Variants in ELAVL2 observed in about 807,000 individuals in gnomAD.
ELAVL2 encodes ELAV-like protein 2.
In ELAVL2, 4 loss-of-function variants were observed where a neutral mutation model predicts 34.6. That is an observed-to-expected ratio of 0.12 (90% CI 0.06 to 0.26). ELAVL2 has a LOEUF of 0.26. ELAVL2 is among the 10% of genes least tolerant of loss of function. The pLI, the probability that ELAVL2 is intolerant of heterozygous loss-of-function variation, is 1.00. For synonymous variants in ELAVL2, 193 were observed against 154.8 expected, an observed-to-expected ratio of 1.25 and a Z score of -1.83; for missense variants, 432 against 442.8, an observed-to-expected ratio of 0.98 and a Z score of 0.22.
At chr9:23,809,335 T>C (rs572578619) in intron 1 of ELAVL2, among the ~76,000 whole-genome samples, 4 of 152,288 alleles carry the variant, frequency 2.6e-5, no homozygotes, top group Non-Finnish European at 4.4e-5. Flanking sequence ...GAGAACATGT[T>C]GGCATGAAGC....
At chr9:23,708,248 AC>A (rs2039950582) in intron 3 of ELAVL2, among the ~76,000 whole-genome samples, 1 of 152,222 alleles carries the variant, frequency 6.6e-6, no homozygotes, top group South Asian at 2.1e-4. Flanking sequence ...TTAATGTTAA[AC>A]TTACATTTAG....
intron 1 of ELAVL2, among the ~76,000 whole-genome samples, chr9:23,793,636 C>T (rs535761825): frequency 6.6e-6 from 1 of 152,278 alleles, no homozygotes; most frequent in South Asian, 2.1e-4. Flanking sequence ...TTTATGAGAG[C>T]CTGAGCTTCG....
intron 2 of ELAVL2, among the ~76,000 whole-genome samples, chr9:23,754,597 T>G (rs1238964949): frequency 6.6e-6 from 1 of 152,102 alleles, no homozygotes; most frequent in African/African-American, 2.4e-5. Flanking sequence ...TACCTGGGAC[T>G]ACAGGCGTGC....
At chr9:23,779,246 T>C in intron 1 of ELAVL2, 2 of 985,392 alleles carry the variant, frequency 2.0e-6, no homozygotes, top group African/African-American at 3.5e-5. Context: ...CTTCACACTT[T>C]TTCTGCTGCT....
At chr9:23,738,214 C>T (rs553735714) in intron 2 of ELAVL2, among the ~76,000 whole-genome samples, 8 of 152,194 alleles carry the variant, frequency 5.3e-5, no homozygotes, top group Non-Finnish European at 8.8e-5. Context: ...ACAGCAAAAC[C>T]ATGTGGGTAC....
At chr9:23,746,000 A>C (rs754673469) in intron 2 of ELAVL2, among the ~76,000 whole-genome samples, 3 of 152,096 alleles carry the variant, frequency 2.0e-5, no homozygotes, top group Non-Finnish European at 4.4e-5. Flanking sequence ...ACATAATCAA[A>C]AGGGGGAGGA....
intron 3 of ELAVL2, among the ~76,000 whole-genome samples, chr9:23,726,805 T>C (rs1401072670): frequency 2.8e-5 from 1 of 36,182 alleles, no homozygotes; most frequent in African/African-American, 1.3e-4. Context: ...AAATTCCACA[T>C]ACTATTTAGA....
chr9:23,704,897 C>A, intron 4 of ELAVL2, 21 bp downstream of exon 4: 1 of 1,613,462 alleles, frequency 6.2e-7, no homozygotes. Flanking sequence ...GAAAGACTGT[C>A]CGGAGTGGCT....
Position 23,701,517 on chromosome 9 carries a change from G to A in ELAVL2, c.575C>T (p.Pro192Leu), listed in dbSNP as rs755017058. The change falls in exon 5 of 7, where the codon CCC becomes CTC. Residue 192 changes from proline to leucine, a missense_variant. Physicochemically the swap from Pro to Leu is moderately conservative, Grantham distance 98. This residue lies in a region of ELAVL2 where 295 missense variants were observed against 306.1 expected (regional missense o/e 0.96). Transcript: ENST00000397312. ...AIKGLNGQKP[P>L]GATEPITVKF... ...TACAGTGATTGGCTCCGTGGCACCG[G>A]GAGGTTTCTGGCCATTTAGGCCTTT... 4.3e-6 allele frequency: 7 copies of A among 1,613,980 alleles called. No individual in the cohort carries two copies. The highest frequency in any genetic ancestry group is 4.0e-5 in the African/African-American group (3 of 74,900).
intron 1 of ELAVL2, among the ~76,000 whole-genome samples, chr9:23,792,935 TA>T (rs2060496879): frequency 6.6e-6 from 1 of 152,000 alleles, no homozygotes; most frequent in African/African-American, 2.4e-5. Flanking sequence ...CACACCCAGT[TA>T]TTTTTTATTT....
At chr9:23,845,882 CT>C in the ELAVL2 span, among the ~76,000 whole-genome samples, 1 of 151,902 alleles carries the variant, frequency 6.6e-6, no homozygotes, top group South Asian at 2.1e-4. Flanking sequence ...TAGAGTTATT[CT>C]GAGTGCTATC....
chr9:23,702,543 G>A (rs1269759581), intron 4 of ELAVL2, among the ~76,000 whole-genome samples: 1 of 150,178 alleles, frequency 6.7e-6, no homozygotes, highest in Non-Finnish European at 1.5e-5. Flanking sequence ...AATTTTTTTT[G>A]GCAAGTAAAT....
chr9:23,763,743 A>T (rs1417339768), intron 1 of ELAVL2, among the ~76,000 whole-genome samples: 1 of 152,164 alleles, frequency 6.6e-6, no homozygotes, highest in Non-Finnish European at 1.5e-5. Context: ...GACTGGTCAG[A>T]CTGAACAAGA....
chr9:23,734,042 A>G (rs900807757), intron 2 of ELAVL2, among the ~76,000 whole-genome samples: 3 of 152,210 alleles, frequency 2.0e-5, no homozygotes, highest in Non-Finnish European at 4.4e-5. Flanking sequence ...GCCACTCAGA[A>G]TATGTTTGAG....
intron 1 of ELAVL2, among the ~76,000 whole-genome samples, chr9:23,788,190 C>G (rs1454228291): frequency 6.6e-6 from 1 of 152,050 alleles, no homozygotes; most frequent in Non-Finnish European, 1.5e-5. Flanking sequence ...AGCCAATGGA[C>G]CAGGATATAA....
At chr9:23,779,237 T>G in intron 1 of ELAVL2, 1 of 985,434 alleles carries the variant, frequency 1.0e-6, no homozygotes, top group South Asian at 4.7e-5. Flanking sequence ...GAGGTCTTAC[T>G]TCACACTTTT....
At chr9:23,768,443 CTTTTTTT>C (rs527710583) in intron 1 of ELAVL2, among the ~76,000 whole-genome samples, 2 of 140,146 alleles carry the variant, frequency 1.4e-5, no homozygotes, top group Admixed American at 1.4e-4. Flanking sequence ...AACTAGGTAA[CTTTTTTT>C]TTTTTTTTTA....
intron 2 of ELAVL2, among the ~76,000 whole-genome samples, chr9:23,740,389 G>C (rs1237059794): frequency 6.6e-6 from 1 of 152,170 alleles, no homozygotes; most frequent in Non-Finnish European, 1.5e-5. Flanking sequence ...CACACAGCTA[G>C]CTCAAAGGAG....
chr9:23,789,478 A>G (rs538066690), intron 1 of ELAVL2, among the ~76,000 whole-genome samples: 19 of 152,212 alleles, frequency 1.2e-4, no homozygotes, highest in Non-Finnish European at 2.4e-4. Context: ...TCAAAATAGT[A>G]ATACAATTCG....
Sources: allele counts gnomAD v4.1 joint callset (sites outside exome capture counted in the v4.1 genomes callset), GRCh38; gene constraint gnomAD v4.1.1; regional missense constraint gnomAD v4.1.1; transcripts MANE v1.5; gene names NCBI Gene and HGNC (gene_info 2026-07-23, HGNC 2026-07-21).